The following FIGN variants were observed in gnomAD, a reference collection of about 807,000 sequenced individuals.
FIGN encodes fidgetin.
FIGN carries 11 observed loss-of-function variants against 51.3 expected under a neutral mutation model. The observed-to-expected ratio is 0.21, with a 90% CI of 0.13 to 0.35. The LOEUF (loss-of-function observed/expected upper bound fraction) is 0.35, where lower values mean the gene tolerates loss of function less well. FIGN is among the 10% of genes least tolerant of loss of function. The pLI is 1.00. For synonymous variants in FIGN, 407 were observed against 363.2 expected, an observed-to-expected ratio of 1.12 and a Z score of -1.37; for missense variants, 857 against 943.6, an observed-to-expected ratio of 0.91 and a Z score of 1.20.
At chr2:163,694,444 T>C (rs1221463372) in intron 2 of FIGN, among the ~76,000 whole-genome samples, 2 of 152,124 alleles carry the variant, frequency 1.3e-5, no homozygotes, top group Non-Finnish European at 2.9e-5. Context: ...CCTAACTTAC[T>C]TGACAATGGA....
At chr2:163,621,502 G>A (rs546895810) in intron 2 of FIGN, among the ~76,000 whole-genome samples, 1 of 152,250 alleles carries the variant, frequency 6.6e-6, no homozygotes, top group South Asian at 2.1e-4. Flanking sequence ...TAGGTTACGT[G>A]TTGTTTTTTT....
chr2:163,623,562 T>C (rs1313431331), intron 2 of FIGN, among the ~76,000 whole-genome samples: 1 of 152,158 alleles, frequency 6.6e-6, no homozygotes, highest in Non-Finnish European at 1.5e-5. Context: ...TAAAATAGAA[T>C]AGACAATTAA....
In FIGN at chr2:163,604,263, C is replaced by A. The variant is rs1691036455; in HGVS notation, c.*5289G>T. ...GTTTGAATTTGTTTGTCTTAAGTAG[C>A]CAGATTGCCAGTGTAAAATACTTGG... On this transcript the variant is annotated 3_prime_UTR_variant, in exon 3 of 3. Transcript: ENST00000333129. The A allele has an allele frequency of 6.6e-6, 1 of 152,040 alleles. No individual in the cohort carries two copies. The highest frequency in any genetic ancestry group is 2.4e-5 in the African/African-American group (1 of 41,422). 9.4% of individuals were successfully genotyped at this position (152,040 alleles called of 1,614,324 possible).
rs574023039 is a variant in FIGN at position 163,659,111 on chromosome 2, CA to C, written c.26-47306del. Among the ~76,000 whole-genome samples the C allele has an allele frequency of 5.3e-5, 8 of 149,758 alleles. No homozygotes were observed. The South Asian group carries it at 1.1e-3, about 20-fold the overall frequency. ...ATGGTCAGATGTTCTATAGTAATTA[CA>C]AAAAAAAATTCTAAAAAAAGAAAGA... On this transcript the variant is annotated intron_variant, in intron 2 of 2. Transcript: ENST00000333129.
chr2:163,671,795 C>A (rs1405548015), intron 2 of FIGN, among the ~76,000 whole-genome samples: 1 of 152,050 alleles, frequency 6.6e-6, no homozygotes, highest in South Asian at 2.1e-4. Context: ...AAAGCAGGGG[C>A]TGATATCAAG....
At chr2:163,640,025 A>G (rs1039085715) in intron 2 of FIGN, among the ~76,000 whole-genome samples, 3 of 152,140 alleles carry the variant, frequency 2.0e-5, no homozygotes. Flanking sequence ...CATGAAAAAC[A>G]TTTCATATGA....
At chr2:163,684,554 G>A (rs934140084) in intron 2 of FIGN, among the ~76,000 whole-genome samples, 5 of 152,190 alleles carry the variant, frequency 3.3e-5, no homozygotes, top group African/African-American at 1.2e-4. Flanking sequence ...TCCCTAGCTT[G>A]GTTGTCTACA....
chr2:163,644,496 C>A (rs190990547), intron 2 of FIGN, among the ~76,000 whole-genome samples: 1 of 152,094 alleles, frequency 6.6e-6, no homozygotes, highest in Non-Finnish European at 1.5e-5. Context: ...ATGTGAAGTG[C>A]GGCTACTTTG....
chr2:163,657,842 G>A (rs1683587670), intron 2 of FIGN, among the ~76,000 whole-genome samples: 1 of 152,084 alleles, frequency 6.6e-6, no homozygotes, highest in South Asian at 2.1e-4. Context: ...GAAAATTTTA[G>A]ATATATATGG....
chr2:163,610,836 A>G lies in FIGN; in HGVS notation c.996T>C (p.Ser332=). 1 of 1,613,834 alleles carries G rather than the reference A, an allele frequency of 6.2e-7. No homozygotes were observed. The highest frequency in any genetic ancestry group is 2.2e-5 in the East Asian group (1 of 44,848). ...GTTGGCCATAGCTGTAATTTCCATA[A>G]CTGGAGTCCATATCTCCTTGCCCTG... ...YMAGQGDMDS[S]YGNYSYGQQR... is the part of the protein sequence containing the mutation. Residue 332 remains serine, a synonymous_variant, in exon 3 of 3, where the codon AGT becomes AGC. Coordinates refer to ENST00000333129, the MANE Select transcript of FIGN (RefSeq NM_018086.4).
intron 2 of FIGN, among the ~76,000 whole-genome samples, chr2:163,660,881 T>A (rs6713828): frequency 0.28 from 631 of 2,254 alleles, 79 homozygotes; most frequent in Middle Eastern, 0.5. Context: ...ATATATATAT[T>A]TTTTTTTTTT....
intron 2 of FIGN, among the ~76,000 whole-genome samples, chr2:163,721,969 T>A (rs1051149267): frequency 3.3e-5 from 5 of 152,242 alleles, no homozygotes; most frequent in African/African-American, 4.8e-5. Flanking sequence ...TAACTCATTA[T>A]AATTTAACAT....
chr2:163,723,870 T>C, intron 2 of FIGN, among the ~76,000 whole-genome samples: 1 of 152,150 alleles, frequency 6.6e-6, no homozygotes, highest in East Asian at 1.9e-4. Context: ...ATTTAATGAA[T>C]GCTTATCATC....
Position 163,604,266 on chromosome 2 carries a change from G to T in FIGN, c.*5286C>A, listed in dbSNP as rs555382729. 9.1e-4 allele frequency: 139 copies of T among 152,224 alleles called. 1 individual carries two copies. Among genetic ancestry groups the T allele is most frequent in the African/African-American group, 3.0e-3 (125 of 41,570 alleles). The allele number at this position is 152,224 out of a possible 1,614,324, so 9.4% of individuals were successfully genotyped here. A position where few individuals can be genotyped will look rare whatever the true frequency, so the allele number is the denominator to read the frequency against. On this transcript the variant is annotated 3_prime_UTR_variant, in exon 3 of 3. Transcript: ENST00000333129. ...TGAATTTGTTTGTCTTAAGTAGCCA[G>T]ATTGCCAGTGTAAAATACTTGGGAA...
At chr2:163,675,226 C>T (rs188657110) in intron 2 of FIGN, among the ~76,000 whole-genome samples, 1 of 152,256 alleles carries the variant, frequency 6.6e-6, no homozygotes, top group East Asian at 1.9e-4. Flanking sequence ...TCTTCCATGT[C>T]CCTTGTTTTT....
rs943753898 is a variant in FIGN, at chr2:163,607,918, G to C, written c.*1634C>G. On this transcript the variant is annotated 3_prime_UTR_variant, in exon 3 of 3. Coordinates refer to ENST00000333129, the MANE Select transcript of FIGN (RefSeq NM_018086.4). Reference sequence around the variant, plus strand: ...AGGATACAAAGAACAACTTGACAGAGAGCAGGAGAAAAATAGGAAATTAAG... The same window carrying C: ...AGGATACAAAGAACAACTTGACAGACAGCAGGAGAAAAATAGGAAATTAAG... 6.6e-6 allele frequency: 1 copy of C among 152,636 alleles called. No homozygotes were observed. The highest frequency in any genetic ancestry group is 1.5e-5 in the Non-Finnish European group (1 of 68,080). 9.5% of individuals were successfully genotyped at this position (152,636 alleles called of 1,614,324 possible). A position where few individuals can be genotyped will look rare whatever the true frequency, so the allele number is the denominator to read the frequency against.
intron 2 of FIGN, among the ~76,000 whole-genome samples, chr2:163,652,115 T>C (rs1683485980): frequency 6.6e-6 from 1 of 152,162 alleles, no homozygotes; most frequent in South Asian, 2.1e-4. Flanking sequence ...GCAGCTCATA[T>C]ACAGCCTTTT....
intron 2 of FIGN, among the ~76,000 whole-genome samples, chr2:163,694,148 A>G (rs926348515): frequency 1.3e-5 from 2 of 152,162 alleles, no homozygotes; most frequent in Non-Finnish European, 2.9e-5. Flanking sequence ...TAGTGGAAGG[A>G]ACTACGTCAT....
intron 2 of FIGN, among the ~76,000 whole-genome samples, chr2:163,720,616 G>T (rs115107586): frequency 0.021 from 3,154 of 152,114 alleles, 108 homozygotes; most frequent in African/African-American, 0.072. Context: ...GGACAAATAA[G>T]TGCCACCTCC....
Sources: allele counts gnomAD v4.1 joint callset (sites outside exome capture counted in the v4.1 genomes callset), GRCh38; gene constraint gnomAD v4.1.1; transcripts MANE v1.5; gene names NCBI Gene and HGNC (gene_info 2026-07-23, HGNC 2026-07-21).